KATNA1: variants seen among roughly 807,000 people sequenced by gnomAD.
KATNA1 encodes katanin catalytic subunit A1, also known as katanin p60 ATPase-containing subunit A1.
KATNA1 carries 42 observed loss-of-function variants against 62.6 expected under a neutral mutation model. That is an observed-to-expected ratio of 0.67 (90% CI 0.52 to 0.87). The LOEUF is 0.87. Ranked by LOEUF, KATNA1 falls within the 40% of genes least tolerant of loss-of-function variation. The probability of loss-of-function intolerance (pLI) is 0.00; values close to 1 mark genes in which losing one functional copy is unlikely to be tolerated. For missense variants in KATNA1, 498 were observed against 612.5 expected (o/e 0.81, Z 1.97); for synonymous variants, 186 against 201.9 (o/e 0.92, Z 0.67).
At chr6:149,631,564 C>CAAAAAAAAAAAAA (rs11436870) in intron 3 of KATNA1, 3 of 140,422 alleles carry the variant, frequency 2.1e-5, no homozygotes, top group East Asian at 2.0e-4. Flanking sequence ...ACAAAAAAAA[C>CAAAAAAAAAAAAA]AAAAAAAAAA....
intron 1 of KATNA1, among the ~76,000 whole-genome samples, chr6:149,642,847 G>A (rs900012844): frequency 2.6e-5 from 4 of 152,276 alleles, no homozygotes; most frequent in African/African-American, 9.6e-5. Flanking sequence ...CTTATGACAA[G>A]TAGGAGAGAA....
chr6:149,604,555 G>A lies in KATNA1; in HGVS notation c.623+106C>T, dbSNP rs116814066. 508 of 1,183,134 alleles carry A rather than the reference G, an allele frequency of 4.3e-4. 4 individuals carry two copies. In the African/African-American group the frequency reaches 6.2e-3, roughly 14 times the overall value. The allele number at this position is 1,183,134 out of a possible 1,614,324, so 73.3% of individuals were successfully genotyped here. On this transcript the variant is annotated intron_variant, in intron 5 of 10. Transcript: ENST00000367411. ...GTCATGCTCACGCTGCACATACTCC[G>A]GTTCTGTCCTCAAGCTCTGCTCTTC...
rs918710184 is a variant in KATNA1, at chr6:149,602,304, T to C, written c.730-552A>G. Among the ~76,000 whole-genome samples the C allele has an allele frequency of 3.3e-5, 5 of 152,258 alleles. No homozygotes were observed. The East Asian group carries it at 7.7e-4, about 23-fold the overall frequency. On this transcript the variant is annotated intron_variant, in intron 6 of 10. Transcript: ENST00000367411. ...ATCAATTCAACCCGTTAGGCGGAGA[T>C]TGCAGTGAGGCAAGATCGCACTGCA...
intron 1 of KATNA1, among the ~76,000 whole-genome samples, chr6:149,641,089 C>T (rs1463595253): frequency 1.3e-5 from 2 of 151,270 alleles, no homozygotes; most frequent in Non-Finnish European, 1.5e-5. Context: ...ACGCTGGTCT[C>T]GAACTCCCGA....
At chr6:149,627,497 C>T (rs893704939) in intron 3 of KATNA1, among the ~76,000 whole-genome samples, 2 of 145,038 alleles carry the variant, frequency 1.4e-5, no homozygotes, top group African/African-American at 2.6e-5. Flanking sequence ...CACTGCATTC[C>T]AGCCTGGACG....
At chr6:149,632,663 C>A in intron 3 of KATNA1, 96 bp downstream of exon 3, 2 of 1,012,196 alleles carry the variant, frequency 2.0e-6, no homozygotes, top group Admixed American at 2.7e-5. Context: ...AAACTCCCTC[C>A]CATTCCTGTC....
At chr6:149,609,767 C>T (rs1778873284) in intron 4 of KATNA1, among the ~76,000 whole-genome samples, 1 of 134,228 alleles carries the variant, frequency 7.5e-6, no homozygotes. Context: ...CGTGCCACTG[C>T]ACTTCAGCCT....
intron 5 of KATNA1, among the ~76,000 whole-genome samples, chr6:149,604,024 C>T (rs1408599260): frequency 6.6e-6 from 1 of 152,140 alleles, no homozygotes; most frequent in Admixed American, 6.5e-5. Flanking sequence ...AAATACCTAA[C>T]TTTGTGGAAA....
At position 149,623,178 on chromosome 6, in the gene KATNA1, C is replaced by G; in HGVS notation, c.426G>C (p.Gln142His). Residue 142 changes from glutamine (Q) to histidine (H), a missense_variant, in exon 4 of 11, where the codon CAG becomes CAC. Physicochemically the swap from Gln to His is conservative, Grantham distance 24. This residue lies in a region of KATNA1 where 203 missense variants were observed against 198.4 expected (regional missense o/e 1.02). Coordinates refer to ENST00000367411, the MANE Select transcript of KATNA1 (RefSeq NM_007044.4). ...CTTTCCCTCTGTCATTGTGAACATTCTGTGCAGATGAACGGTGAACTCTGA... is the reference window on the plus strand; with the variant it reads ...CTTTCCCTCTGTCATTGTGAACATTGTGTGCAGATGAACGGTGAACTCTGA... ...TTVRVHRSSA[Q>H]NVHNDRGKAV... The G allele has an allele frequency of 1.2e-6, 2 of 1,613,604 alleles. No individual in the cohort carries two copies. The highest frequency in any genetic ancestry group is 2.2e-5 in the East Asian group (1 of 44,858).
chr6:149,597,596 A>G lies in KATNA1; in HGVS notation c.1061T>C (p.Met354Thr), dbSNP rs1254028714. The G allele has an allele frequency of 6.2e-7, 1 of 1,613,924 alleles. No homozygotes were observed. The highest frequency in any genetic ancestry group is 1.3e-5 in the African/African-American group (1 of 74,948). ...SENDDPSKMV[M>T]VLAATNFPWD... ...GGGAAAATTAGTAGCTGCCAGAACC[A>G]TAACCATTTTGGAAGGGTCATCATT... The change falls in exon 9 of 11, where the codon ATG (methionine) becomes ACG (threonine). Residue 354 changes from methionine (M) to threonine (T), a missense_variant. Physicochemically the swap from Met to Thr is moderately conservative, Grantham distance 81. Transcript: ENST00000367411.
At chr6:149,625,711 A>G (rs1007869335) in intron 3 of KATNA1, among the ~76,000 whole-genome samples, 6 of 152,086 alleles carry the variant, frequency 3.9e-5, no homozygotes, top group Non-Finnish European at 7.4e-5. Flanking sequence ...AGGCAGGTGG[A>G]TCACCTGAGG....
intron 10 of KATNA1, among the ~76,000 whole-genome samples, chr6:149,595,658 T>A (rs2115070245): frequency 6.6e-6 from 1 of 151,878 alleles, no homozygotes; most frequent in Non-Finnish European, 1.5e-5. Context: ...TTCTCATTTG[T>A]GTTAAAAAAA....
At chr6:149,610,278 G>A (rs898504976) in intron 4 of KATNA1, among the ~76,000 whole-genome samples, 3 of 150,820 alleles carry the variant, frequency 2.0e-5, no homozygotes, top group African/African-American at 4.9e-5. Flanking sequence ...CTCCAGCCTG[G>A]GCAACAGAGA....
chr6:149,616,643 A>G (rs760962226), intron 4 of KATNA1, among the ~76,000 whole-genome samples: 16 of 152,288 alleles, frequency 1.1e-4, no homozygotes, highest in Non-Finnish European at 2.2e-4. Flanking sequence ...AATCCCAGAC[A>G]CTTGGGAGGC....
chr6:149,628,768 T>G (rs1779718245), intron 3 of KATNA1, among the ~76,000 whole-genome samples: 1 of 147,360 alleles, frequency 6.8e-6, no homozygotes, highest in South Asian at 2.1e-4. Context: ...TGCAGTGAGC[T>G]GAGATTGTGC....
chr6:149,627,137 G>A (rs1439782493), intron 3 of KATNA1, among the ~76,000 whole-genome samples: 1 of 151,742 alleles, frequency 6.6e-6, no homozygotes, highest in African/African-American at 2.4e-5. Context: ...GCTCATGCCT[G>A]TAATCCCAGC....
intron 2 of KATNA1, among the ~76,000 whole-genome samples, chr6:149,636,823 G>A (rs1000246908): frequency 1.1e-4 from 16 of 151,654 alleles, no homozygotes; most frequent in Non-Finnish European, 1.9e-4. Context: ...TTGTATTTTA[G>A]TAGAGATGGG....
intron 3 of KATNA1, among the ~76,000 whole-genome samples, chr6:149,628,831 A>G (rs1779721864): frequency 6.6e-6 from 1 of 150,630 alleles, no homozygotes; most frequent in Admixed American, 6.6e-5. Context: ...AAAAAAAAAA[A>G]GAAAAAAAAA....
At chr6:149,599,936 G>A (rs1470877854) in intron 7 of KATNA1, among the ~76,000 whole-genome samples, 12 of 151,964 alleles carry the variant, frequency 7.9e-5, no homozygotes, top group Non-Finnish European at 1.3e-4. Flanking sequence ...AAGGAGTTTC[G>A]GCATAGGTAT....
Sources: gnomAD v4.1 joint callset for allele counts (sites outside exome capture counted in the v4.1 genomes callset) on GRCh38, gnomAD v4.1.1 for gene constraint, gnomAD v4.1.1 regional missense constraint, MANE v1.5 for transcripts, NCBI Gene and HGNC (gene_info 2026-07-23, HGNC 2026-07-21) for gene names.